The following MCF2L variants were observed in gnomAD, a reference collection of about 807,000 sequenced individuals.
The protein encoded by MCF2L is MCF.2 cell line derived transforming sequence like.
In MCF2L, 97 loss-of-function variants were observed where a neutral mutation model predicts 153.4. The observed-to-expected ratio is 0.63, with a 90% CI of 0.54 to 0.75. MCF2L has a LOEUF of 0.75. Ranked by LOEUF, MCF2L falls within the 30% of genes least tolerant of loss-of-function variation. The pLI is 0.00. For synonymous variants in MCF2L, 659 were observed against 632.2 expected (o/e 1.04, Z -0.64); for missense variants, 1,347 against 1,495.2 (o/e 0.90, Z 1.64).
chr13:113,071,700 A>G (rs1339575569), intron 9 of MCF2L, among the ~76,000 whole-genome samples: 2 of 151,634 alleles, frequency 1.3e-5, no homozygotes, highest in Non-Finnish European at 2.9e-5. Flanking sequence ...TGTTCTGGAG[A>G]CTCTCTATTC....
At chr13:113,003,211 C>CCA (rs1486777136) in intron 1 of MCF2L, among the ~76,000 whole-genome samples, 103 of 152,264 alleles carry the variant, frequency 6.8e-4, no homozygotes, top group Non-Finnish European at 6.2e-4. Context: ...CTGTGGAGCA[C>CCA]TGGGGAAGGC....
chr13:113,073,871 C>T (rs1026878398), intron 9 of MCF2L, among the ~76,000 whole-genome samples: 14 of 151,760 alleles, frequency 9.2e-5, no homozygotes, highest in African/African-American at 2.4e-4. Flanking sequence ...GCCAAGATCA[C>T]GCCACTGCAC....
intron 2 of MCF2L, among the ~76,000 whole-genome samples, chr13:112,936,198 T>C (rs2081512822): frequency 6.7e-6 from 1 of 149,054 alleles, no homozygotes; most frequent in South Asian, 2.1e-4. Context: ...GAGAATCACT[T>C]GAACCCGGGA....
In MCF2L at chr13:113,091,170, C is replaced by T. The variant is rs765434847; in HGVS notation, c.2953+1442C>T. On this transcript the variant is annotated intron_variant, in intron 26 of 29. Coordinates refer to ENST00000535094, the MANE Select transcript of MCF2L (RefSeq NM_001112732.3). ...AAGCCAAGCGGCATGAAGTAAAGAG[C>T]GACCCGACTCCCTTTGGTGTGCGAG... The T allele has an allele frequency of 2.0e-5, 26 of 1,304,324 alleles. 1 individual carries two copies. The highest frequency in any genetic ancestry group is 2.5e-5 in the South Asian group (2 of 81,032). The allele number at this position is 1,304,324 out of a possible 1,614,324, so 80.8% of individuals were successfully genotyped here.
intron 1 of MCF2L, among the ~76,000 whole-genome samples, chr13:112,991,467 T>C (rs2082897531): frequency 6.6e-6 from 1 of 152,220 alleles, no homozygotes; most frequent in Non-Finnish European, 1.5e-5. Context: ...CGAACACCTT[T>C]CAGACACATT....
chr13:112,908,864 TAC>T (rs1206615114), intron 2 of MCF2L, among the ~76,000 whole-genome samples: 1 of 152,026 alleles, frequency 6.6e-6, no homozygotes, highest in Non-Finnish European at 1.5e-5. Flanking sequence ...TAGCTGGGAC[TAC>T]AGATGCACGC....
intron 2 of MCF2L, among the ~76,000 whole-genome samples, chr13:112,911,104 G>A (rs543090074): frequency 1.3e-5 from 2 of 152,334 alleles, no homozygotes; most frequent in South Asian, 4.1e-4. Flanking sequence ...TGGAGCTGGT[G>A]TTGAACCCCC....
chr13:113,039,153 C>T (rs1196033528), intron 3 of MCF2L, among the ~76,000 whole-genome samples: 1 of 152,216 alleles, frequency 6.6e-6, no homozygotes, highest in Non-Finnish European at 1.5e-5. Flanking sequence ...GCCACCGCGC[C>T]CGGCCATTGC....
chr13:112,939,643 T>C (rs1858713837), intron 2 of MCF2L, among the ~76,000 whole-genome samples: 1 of 152,100 alleles, frequency 6.6e-6, no homozygotes, highest in Non-Finnish European at 1.5e-5. Context: ...AAGCGTCCTA[T>C]GGGTGTGCAG....
At chr13:112,935,041 T>C (rs145059932) in intron 2 of MCF2L, among the ~76,000 whole-genome samples, 11 of 152,344 alleles carry the variant, frequency 7.2e-5, no homozygotes, top group East Asian at 1.9e-4. Flanking sequence ...AAAATTTGTA[T>C]GTTGAAGCCC....
At chr13:112,901,714 A>C (rs144286223) in intron 1 of MCF2L, among the ~76,000 whole-genome samples, 1 of 152,342 alleles carries the variant, frequency 6.6e-6, no homozygotes, top group East Asian at 1.9e-4. Flanking sequence ...TCAGTGAGGA[A>C]TTATGCTTTA....
chr13:112,946,983 G>A (rs956117867), intron 2 of MCF2L, among the ~76,000 whole-genome samples: 15 of 152,162 alleles, frequency 9.9e-5, no homozygotes, highest in African/African-American at 3.1e-4. Flanking sequence ...GGTCTCGTGC[G>A]TCCTAAACGC....
At chr13:113,060,253 A>G (rs1159967008) in intron 4 of MCF2L, among the ~76,000 whole-genome samples, 1 of 152,216 alleles carries the variant, frequency 6.6e-6, no homozygotes, top group African/African-American at 2.4e-5. Flanking sequence ...TCACCAGCCA[A>G]GGTCACGTTC....
intron 2 of MCF2L, among the ~76,000 whole-genome samples, chr13:112,935,762 T>C (rs1387251916): frequency 1.3e-5 from 2 of 152,182 alleles, no homozygotes; most frequent in African/African-American, 4.8e-5. Flanking sequence ...GGAGAATCTG[T>C]AGTTAAGATG....
At position 113,060,626 on chromosome 13, in the gene MCF2L, G is replaced by A. The variant is rs375295899; in HGVS notation, c.403G>A (p.Val135Met). ...SFPANLQLVL[V>M]LRPTGFFQRT... is the part of the protein sequence containing the mutation. ...CCCGGCAAACCTGCAGCTCGTCCTC[G>A]TGCTTCGCCCGACGGGTTTTTTCCA... The change falls in exon 5 of 30, where the codon GTG becomes ATG. Residue 135 changes from valine (V) to methionine (M), a missense_variant. Coordinates refer to ENST00000535094, the MANE Select transcript of MCF2L (RefSeq NM_001112732.3). 4.0e-5 allele frequency: 65 copies of A among 1,613,386 alleles called. No individual in the cohort carries two copies. The highest frequency in any genetic ancestry group is 5.1e-5 in the Non-Finnish European group (60 of 1,179,978).
rs779274453 is a variant in MCF2L at position 112,915,410 on chromosome 13, C to CAAAAAAAAAAAAAAAAAAA, written c.169+13054_169+13055insAAAAAAAAAAAAAAAAAAA. ...GGTGACAGAGCAAGACTCTGTCTCA[C>CAAAAAAAAAAAAAAAAAAA]AAAAAAAAAAAAAAATCCATCCTCA... On this transcript the variant is annotated intron_variant, in intron 2 of 29. Coordinates refer to the MCF2L transcript ENST00000375608. Among the ~76,000 whole-genome samples, 27 of 86,936 alleles carry CAAAAAAAAAAAAAAAAAAA rather than the reference C, an allele frequency of 3.1e-4. 3 individuals carry two copies. Among genetic ancestry groups the CAAAAAAAAAAAAAAAAAAA allele is most frequent in the South Asian group, 1.1e-3 (2 of 1,800 alleles). The allele number at this position is 86,936 out of a possible 152,430, so 57.0% of individuals were successfully genotyped here.
chr13:112,903,712 G>A (rs191580813), intron 2 of MCF2L, among the ~76,000 whole-genome samples: 89 of 152,338 alleles, frequency 5.8e-4, no homozygotes, highest in African/African-American at 1.9e-3. Context: ...GTCAGTGACT[G>A]TCACGAATGA....
At chr13:112,917,042 G>A (rs992207338) in intron 2 of MCF2L, 19 of 470,502 alleles carry the variant, frequency 4.0e-5, no homozygotes, top group East Asian at 1.4e-4. Context: ...AGTTCTCCCC[G>A]GATTCCTGTC....
chr13:112,981,173 C>G (rs2082411395), intron 1 of MCF2L, among the ~76,000 whole-genome samples: 1 of 152,022 alleles, frequency 6.6e-6, no homozygotes, highest in Admixed American at 6.5e-5. Flanking sequence ...TTCCTGCGCA[C>G]TGGGGACCCC....
Sources: gnomAD v4.1 joint callset for allele counts (sites outside exome capture counted in the v4.1 genomes callset) on GRCh38, gnomAD v4.1.1 for gene constraint, MANE v1.5 for transcripts, NCBI Gene and HGNC (gene_info 2026-07-23, HGNC 2026-07-21) for gene names.